The following FANCI variants were observed in gnomAD, a reference collection of about 807,000 sequenced individuals.
FANCI encodes FA complementation group I.
A neutral mutation model predicts 176.1 loss-of-function variants in FANCI; 156 were observed. The observed-to-expected ratio is 0.89, with a 90% confidence interval of 0.78 to 1.01. The LOEUF (loss-of-function observed/expected upper bound fraction) is 1.01, where lower values mean the gene tolerates loss of function less well. FANCI is among the 50% of genes least tolerant of loss of function. The probability of loss-of-function intolerance (pLI) is 0.00; values close to 1 mark genes in which losing one functional copy is unlikely to be tolerated. For synonymous variants in FANCI, 613 were observed against 541.7 expected (o/e 1.13, Z -1.83); for missense variants, 1,678 against 1,534.1 (o/e 1.09, Z -1.57).
At chr15:89,254,665 A>G (rs757446488) in intron 2 of FANCI, among the ~76,000 whole-genome samples, 14 of 152,198 alleles carry the variant, frequency 9.2e-5, no homozygotes, top group Non-Finnish European at 1.8e-4. Context: ...AAAAATTAGC[A>G]TGGCATATCA....
intron 23 of FANCI, 107 bp from the exon 24 acceptor site, chr15:89,294,808 T>G: frequency 8.4e-7 from 1 of 1,191,442 alleles, no homozygotes; most frequent in Non-Finnish European, 1.2e-6. Context: ...ACTGGCAAGC[T>G]CTGTTGGGTG....
chr15:89,272,788 A>G (rs1413200932), intron 10 of FANCI, among the ~76,000 whole-genome samples: 3 of 151,586 alleles, frequency 2.0e-5, no homozygotes, highest in Non-Finnish European at 4.4e-5. Context: ...TCCTGCCTCA[A>G]CCTCCCGAGT....
chr15:89,291,260 C>T (rs1279833589), intron 19 of FANCI, among the ~76,000 whole-genome samples: 1 of 152,112 alleles, frequency 6.6e-6, no homozygotes, highest in African/African-American at 2.4e-5. Flanking sequence ...GGTACAGATA[C>T]TTTTATAAAA....
intron 2 of FANCI, among the ~76,000 whole-genome samples, chr15:89,253,786 TGG>T (rs11319263): frequency 0.064 from 7,147 of 111,602 alleles, 484 homozygotes; most frequent in African/African-American, 0.17. Context: ...AAATAACTTG[TGG>T]GGGGGGGGGG....
At chr15:89,316,322 T>C in intron 37 of FANCI, 75 bp from the exon 38 acceptor site, 1 of 1,454,236 alleles carries the variant, frequency 6.9e-7, no homozygotes, top group African/African-American at 1.4e-5. Context: ...ATAGAGTCTT[T>C]TTTTTCCTTC....
chr15:89,291,572 A>G (rs2054071751), intron 19 of FANCI, 41 bp from the exon 20 acceptor site: 1 of 1,527,656 alleles, frequency 6.5e-7, no homozygotes, highest in African/African-American at 1.4e-5. Flanking sequence ...AGTAAAAAGC[A>G]TTTATGAGCC....
chr15:89,302,065 C>T (rs1393721709), intron 27 of FANCI, among the ~76,000 whole-genome samples: 2 of 152,184 alleles, frequency 1.3e-5, no homozygotes, highest in African/African-American at 2.4e-5. Flanking sequence ...CTGTACCATT[C>T]AGGAGTAATT....
chr15:89,263,898 C>T lies in FANCI; in HGVS notation c.546-5C>T, dbSNP rs2052826764. On this transcript the variant is annotated splice_polypyrimidine_tract_variant and splice_region_variant and intron_variant, in intron 7 of 37. Transcript: ENST00000310775. Reference sequence around the variant, plus strand: ...TCTATAGCCTTTAGAATCTTTGATCCACAGGGATGTCCCTCTGACTGCAGA... The same window carrying T: ...TCTATAGCCTTTAGAATCTTTGATCTACAGGGATGTCCCTCTGACTGCAGA... The T allele has an allele frequency of 2.5e-6, 4 of 1,614,006 alleles. No homozygotes were observed. Among genetic ancestry groups the T allele is most frequent in the Middle Eastern group, 1.7e-4 (1 of 6,058 alleles).
rs760534152 is a variant in FANCI, at chr15:89,292,907, T to C, written c.2170-35T>C. On this transcript the variant is annotated intron_variant, in intron 21 of 37. Transcript: ENST00000310775. The stretch of plus-strand genomic sequence containing the variant: ...AGCTGTATTGAATGATGGAGTTCTT[T>C]AGTAGCTTGTTAATTTTTATCTTGT... The C allele has an allele frequency of 2.5e-6, 4 of 1,614,116 alleles. No homozygotes were observed. The East Asian group carries it at 8.9e-5, about 36-fold the overall frequency.
At chr15:89,290,188 A>G in intron 18 of FANCI, 25 bp from the exon 19 acceptor site, 1 of 1,590,764 alleles carries the variant, frequency 6.3e-7, no homozygotes, top group Non-Finnish European at 8.6e-7. Flanking sequence ...TAAAGTGCTT[A>G]TTTCTTCTCT....
intron 13 of FANCI, among the ~76,000 whole-genome samples, chr15:89,277,466 A>G (rs2053450343): frequency 6.6e-6 from 1 of 151,988 alleles, no homozygotes; most frequent in African/African-American, 2.4e-5. Flanking sequence ...AAACACAAAA[A>G]TTAGCCAGGT....
rs761355536 is a variant in FANCI at position 89,313,024 on chromosome 15, C to T, written c.3720+52C>T. The T allele has an allele frequency of 1.8e-5, 27 of 1,539,998 alleles. No individual in the cohort carries two copies. In the South Asian group the frequency reaches 2.9e-4, roughly 17 times the overall value. On this transcript the variant is annotated intron_variant, in intron 35 of 37. Transcript: ENST00000310775. ...ATATGCTTGTTGGTGAACCCGAAAA[C>T]ATGAAGCGGAAGAAGCCAGTGACAA...
intron 34 of FANCI, among the ~76,000 whole-genome samples, chr15:89,312,291 CTT>C (rs2054994496): frequency 1.3e-5 from 2 of 152,194 alleles, no homozygotes; most frequent in Non-Finnish European, 2.9e-5. Flanking sequence ...TTTAACCATT[CTT>C]TAGTACCTCA....
chr15:89,297,862 G>A (rs1174463059), intron 24 of FANCI, among the ~76,000 whole-genome samples: 1 of 152,018 alleles, frequency 6.6e-6, no homozygotes, highest in African/African-American at 2.4e-5. Context: ...GCCCAGGCTG[G>A]CCTTGAGCTC....
intron 10 of FANCI, among the ~76,000 whole-genome samples, chr15:89,270,122 T>A (rs538073073): frequency 6.6e-6 from 1 of 152,294 alleles, no homozygotes; most frequent in African/African-American, 2.4e-5. Context: ...CCTTTGATTT[T>A]TTTTTTCCCC....
intron 18 of FANCI, among the ~76,000 whole-genome samples, chr15:89,287,015 C>G (rs1015064603): frequency 9.4e-6 from 1 of 106,780 alleles, no homozygotes; most frequent in African/African-American, 4.8e-5. Flanking sequence ...CACTCTGTCA[C>G]AAGGCTGTAG....
chr15:89,286,180 A>AC (rs1297955413), intron 18 of FANCI, among the ~76,000 whole-genome samples: 2 of 152,004 alleles, frequency 1.3e-5, no homozygotes, highest in African/African-American at 4.8e-5. Flanking sequence ...TTTAGTAGAG[A>AC]TGGGATTTCA....
chr15:89,244,913 T>TA (rs1396502822), intron 1 of FANCI, among the ~76,000 whole-genome samples: 2 of 152,244 alleles, frequency 1.3e-5, no homozygotes, highest in African/African-American at 2.4e-5. Context: ...AGGGGTTCAA[T>TA]AATTTGTTCA....
chr15:89,274,295 TGAA>T lies in FANCI; in HGVS notation c.1107_1109del (p.Lys369del). The T allele has an allele frequency of 6.2e-7, 1 of 1,613,662 alleles. No individual in the cohort carries two copies. The highest frequency in any genetic ancestry group is 1.1e-5 in the South Asian group (1 of 91,052). On this transcript the variant is annotated inframe_deletion, in exon 12 of 38. Coordinates refer to ENST00000310775, the MANE Select transcript of FANCI (RefSeq NM_001113378.2). ...GTTTCAACCATGATCTTGGAAGTAG[TGAA>T]GAATAGGTAAGTTGGTGAACCATAT... is the stretch of plus-strand genomic sequence containing the variant.
Sources: allele counts gnomAD v4.1 joint callset (sites outside exome capture counted in the v4.1 genomes callset), GRCh38; gene constraint gnomAD v4.1.1; transcripts MANE v1.5; gene names NCBI Gene and HGNC (gene_info 2026-07-23, HGNC 2026-07-21).